The following C2CD3 variants were observed in gnomAD, a reference collection of about 807,000 sequenced individuals.
C2CD3 encodes the protein C2 domain containing 3 centriole elongation regulator.
Under a neutral mutation model 234.0 loss-of-function variants are expected in C2CD3, and 148 were observed. That is an observed-to-expected ratio of 0.63 (90% CI 0.55 to 0.72). The LOEUF (loss-of-function observed/expected upper bound fraction) is 0.72. Ranked by LOEUF, C2CD3 falls within the 30% of genes least tolerant of loss-of-function variation. The pLI, the probability that C2CD3 is intolerant of heterozygous loss-of-function variation, is 0.00. For missense variants in C2CD3, 2,577 were observed against 2,811.5 expected (o/e 0.92, Z 1.89); for synonymous variants, 1,000 against 1,035.4 (o/e 0.97, Z 0.66).
At chr11:74,027,622 C>T (rs929877717) in intron 32 of C2CD3, among the ~76,000 whole-genome samples, 3 of 152,218 alleles carry the variant, frequency 2.0e-5, no homozygotes, top group Non-Finnish European at 4.4e-5. Context: ...ATTTTTTGCT[C>T]ATTATTTGTG....
At chr11:74,046,756 G>A (rs1157593341) in intron 28 of C2CD3, among the ~76,000 whole-genome samples, 1 of 151,986 alleles carries the variant, frequency 6.6e-6, no homozygotes, top group Non-Finnish European at 1.5e-5. Flanking sequence ...ATGGATATAC[G>A]ACAATTTTGT....
rs1410436240 is a variant in C2CD3, at chr11:74,013,471, G to T, written c.6976C>A (p.Pro2326Thr). 7.0e-7 allele frequency: 1 copy of T among 1,422,626 alleles called. No individual in the cohort carries two copies. Among genetic ancestry groups the T allele is most frequent in the South Asian group, 1.5e-5 (1 of 66,072 alleles). 88.1% of individuals were successfully genotyped at this position (1,422,626 alleles called of 1,614,324 possible). The change falls in exon 33 of 33, where the codon CCT (proline) becomes ACT (threonine). Residue 2326 changes from proline to threonine, a missense_variant. Transcript: ENST00000334126. ...ALSQRPCRPR[P>T]NSLPLNLPEE... is the part of the protein sequence containing the mutation. Reference sequence around the variant, plus strand: ...GGCAGGTTGAGGGGGAGCGAGTTAGGTCTGGGGCGACAAGGCCTTTGGGAG... The same window carrying T: ...GGCAGGTTGAGGGGGAGCGAGTTAGTTCTGGGGCGACAAGGCCTTTGGGAG...
intron 32 of C2CD3, among the ~76,000 whole-genome samples, chr11:74,021,530 A>T (rs977890232): frequency 6.6e-6 from 1 of 152,238 alleles, no homozygotes; most frequent in African/African-American, 2.4e-5. Flanking sequence ...GAGACCCAGC[A>T]AACAAGGCAG....
chr11:74,073,387 G>C (rs1954885300), intron 24 of C2CD3, among the ~76,000 whole-genome samples: 1 of 151,998 alleles, frequency 6.6e-6, no homozygotes, highest in African/African-American at 2.4e-5. Context: ...AGGAGTTCGA[G>C]ATCAGCCTGT....
At chr11:74,091,053 G>A in intron 19 of C2CD3, 117 bp from the exon 20 acceptor site, 3 of 951,688 alleles carry the variant, frequency 3.2e-6, no homozygotes, top group East Asian at 2.6e-5. Context: ...AACAATAAGG[G>A]CAATGAGAGA....
At chr11:74,085,402 T>G in intron 21 of C2CD3, 1 of 561,100 alleles carries the variant, frequency 1.8e-6, no homozygotes. Flanking sequence ...GATACACCCA[T>G]TAACACTGAC....
intron 5 of C2CD3, among the ~76,000 whole-genome samples, chr11:74,134,259 A>G (rs1242204953): frequency 2.6e-5 from 4 of 152,246 alleles, no homozygotes; most frequent in Non-Finnish European, 4.4e-5. Context: ...CAATACATCT[A>G]TAACCAGATG....
chr11:74,055,236 G>T (rs1004537949), intron 25 of C2CD3, among the ~76,000 whole-genome samples: 3 of 152,096 alleles, frequency 2.0e-5, no homozygotes, highest in Admixed American at 2.0e-4. Flanking sequence ...TAAGTAGTAG[G>T]GCTAGGATTT....
Position 74,139,796 on chromosome 11 carries a change from A to C in C2CD3, c.516T>G (p.Thr172=), listed in dbSNP as rs1957986400. The change falls in exon 4 of 33, where the codon ACT becomes ACG. Residue 172 remains threonine (T), a synonymous_variant. Transcript: ENST00000334126. The stretch of plus-strand genomic sequence containing the variant: ...TAGGAAGTGGATGGTAGCTGTCGTA[A>C]GTTTCTGACAGAGGTTCCAGGGCAA... The part of the protein sequence containing the change: ...VSLALEPLSE[T]YDSYHPLPTT... The C allele has an allele frequency of 1.2e-6, 2 of 1,613,344 alleles. No individual in the cohort carries two copies. Among genetic ancestry groups the C allele is most frequent in the African/African-American group, 2.7e-5 (2 of 74,882 alleles).
At chr11:74,070,399 T>C (rs1414355911) in intron 24 of C2CD3, 1 of 152,272 alleles carries the variant, frequency 6.6e-6, no homozygotes, top group African/African-American at 2.4e-5. Context: ...ACTCATTTCC[T>C]TCCTTAAGAA....
chr11:74,145,108 C>T (rs1056210275), intron 3 of C2CD3, among the ~76,000 whole-genome samples: 3 of 152,174 alleles, frequency 2.0e-5, no homozygotes, highest in Admixed American at 6.5e-5. Context: ...TGGGTCAAAT[C>T]GTAGTTCTGT....
chr11:74,094,003 T>C lies in C2CD3; in HGVS notation c.3161-4A>G. The C allele has an allele frequency of 6.2e-7, 1 of 1,608,586 alleles. No homozygotes were observed. Among genetic ancestry groups the C allele is most frequent in the African/African-American group, 1.3e-5 (1 of 74,872 alleles). ...CTGAAGGGCTTCAGAGTAATTCCTT[T>C]GGAAAAGAAAAGCATTTCAGAATAA... On this transcript the variant is annotated splice_polypyrimidine_tract_variant and splice_region_variant and intron_variant, in intron 17 of 32. Transcript: ENST00000334126.
rs142599616 is a variant in C2CD3, at chr11:74,085,942, T to C, written c.3642-56A>G. ...TACCATGGTAACATTAGAAATCAGC[T>C]TGATTTTCTAGAAAATAACTTCATT... On this transcript the variant is annotated intron_variant, in intron 20 of 32. Transcript: ENST00000334126. The C allele has an allele frequency of 3.5e-4, 533 of 1,505,214 alleles. 3 individuals carry two copies. In the African/African-American group the frequency reaches 6.7e-3, roughly 19 times the overall value. The allele number at this position is 1,505,214 out of a possible 1,614,324, so 93.2% of individuals were successfully genotyped here. A position where few individuals can be genotyped will look rare whatever the true frequency, so the allele number is the denominator to read the frequency against.
At chr11:74,161,813 CTTTTTTT>C (rs927069098) in intron 2 of C2CD3, among the ~76,000 whole-genome samples, 14 of 131,894 alleles carry the variant, frequency 1.1e-4, no homozygotes, top group African/African-American at 1.7e-4. Context: ...TGAAGTTCTA[CTTTTTTT>C]TTTTTTTTTT....
intron 32 of C2CD3, among the ~76,000 whole-genome samples, chr11:74,025,287 T>C (rs1400516784): frequency 2.0e-5 from 3 of 151,954 alleles, no homozygotes; most frequent in Non-Finnish European, 4.4e-5. Flanking sequence ...CAGAAGAGCA[T>C]AGAGTTGTGA....
At chr11:74,042,303 A>G in intron 28 of C2CD3, 85 bp from the exon 29 acceptor site, 1 of 1,350,200 alleles carries the variant, frequency 7.4e-7, no homozygotes, top group African/African-American at 1.5e-5. Context: ...TAAACAAATC[A>G]CTATCCTGAA....
rs1591000483 is a variant in C2CD3, at chr11:74,170,929, G to C, written c.-137C>G. 7.2e-6 allele frequency: 11 copies of C among 1,519,176 alleles called. No homozygotes were observed. The East Asian group carries it at 2.6e-4, about 36-fold the overall frequency. 94.1% of individuals were successfully genotyped at this position (1,519,176 alleles called of 1,614,324 possible). ...GGCAGCCTGGGAGGCAGGAAAAAGC[G>C]ACTCTTCCTCTAACAGTCTCCGGAA... On this transcript the variant is annotated 5_prime_UTR_variant, in exon 1 of 33. Coordinates refer to ENST00000334126, the MANE Select transcript of C2CD3 (RefSeq NM_001286577.2).
chr11:74,097,550 C>T (rs1459340002), intron 16 of C2CD3, among the ~76,000 whole-genome samples: 1 of 152,170 alleles, frequency 6.6e-6, no homozygotes, highest in African/African-American at 2.4e-5. Context: ...GGGAAATAAA[C>T]ATGAGAATGT....
chr11:74,026,611 T>C (rs575552107), intron 32 of C2CD3, among the ~76,000 whole-genome samples: 42 of 152,328 alleles, frequency 2.8e-4, no homozygotes, highest in African/African-American at 9.9e-4. Flanking sequence ...TAGGAAAATG[T>C]ACCATAAGTC....
Sources: allele counts gnomAD v4.1 joint callset (sites outside exome capture counted in the v4.1 genomes callset), GRCh38; gene constraint gnomAD v4.1.1; transcripts MANE v1.5; gene names NCBI Gene and HGNC (gene_info 2026-07-23, HGNC 2026-07-21).